USP6NL: variants seen among roughly 807,000 people sequenced by gnomAD.
The protein encoded by USP6NL is USP6 N-terminal-like protein.
Under a neutral mutation model 61.9 loss-of-function variants are expected in USP6NL, and 26 were observed. The ratio of observed to expected loss-of-function variants is 0.42; its 90% CI spans 0.31 to 0.58. USP6NL has a LOEUF of 0.58. Among genes scored for constraint, USP6NL ranks in the 20% least tolerant of loss-of-function variants. The pLI is 0.16. For synonymous variants in USP6NL, 432 were observed against 390.1 expected (o/e 1.11, Z -1.27); for missense variants, 1,114 against 1,034.3 (o/e 1.08, Z -1.06).
rs1395326572 is a variant in USP6NL at position 11,483,521 on chromosome 10, GAGA to G, written c.925+1447_925+1449del. Among the ~76,000 whole-genome samples the G allele has an allele frequency of 5.1e-3, 448 of 87,536 alleles. 3 individuals are homozygous for G. The highest frequency in any genetic ancestry group is 0.016 in the African/African-American group (312 of 19,868). The allele number at this position is 87,536 out of a possible 152,430, so 57.4% of individuals were successfully genotyped here. ...GAGGGAGAGAGGGAGAGAGGGAGAG[GAGA>G]AGAGAGAGAGGGAGAGAGAGAGGGA... is the stretch of plus-strand genomic sequence containing the variant. On this transcript the variant is annotated intron_variant, in intron 13 of 14. Transcript: ENST00000609104.
At chr10:11,572,396 C>A (rs1837395634) in intron 2 of USP6NL, among the ~76,000 whole-genome samples, 1 of 151,850 alleles carries the variant, frequency 6.6e-6, no homozygotes, top group Non-Finnish European at 1.5e-5. Context: ...AATAATACTG[C>A]CACATTTTCA....
intron 2 of USP6NL, among the ~76,000 whole-genome samples, chr10:11,590,692 C>T (rs966389010): frequency 1.3e-5 from 2 of 152,186 alleles, no homozygotes; most frequent in South Asian, 2.1e-4. Flanking sequence ...AAATCAAACT[C>T]TATTTTCTAA....
At chr10:11,549,287 G>A (rs990330283) in intron 2 of USP6NL, among the ~76,000 whole-genome samples, 4 of 152,128 alleles carry the variant, frequency 2.6e-5, no homozygotes, top group Non-Finnish European at 5.9e-5. Context: ...GGAAGCAAAA[G>A]AGTCCAGGAC....
intron 2 of USP6NL, among the ~76,000 whole-genome samples, chr10:11,568,845 C>G (rs1219928065): frequency 6.6e-6 from 1 of 152,202 alleles, no homozygotes; most frequent in Non-Finnish European, 1.5e-5. Context: ...GAGGTGACAA[C>G]TGTCTCAGAA....
intron 1 of USP6NL, among the ~76,000 whole-genome samples, chr10:11,601,079 C>T (rs1016779342): frequency 2.0e-5 from 3 of 152,116 alleles, no homozygotes; most frequent in Admixed American, 6.5e-5. Flanking sequence ...CACAGCAATG[C>T]TATTCATAAT....
At chr10:11,522,663 C>T (rs1229452281) in intron 4 of USP6NL, among the ~76,000 whole-genome samples, 1 of 152,116 alleles carries the variant, frequency 6.6e-6, no homozygotes, top group Admixed American at 6.5e-5. Flanking sequence ...AGAATGAGTA[C>T]CAATCTACTT....
chr10:11,563,207 T>C (rs2071974117), intron 2 of USP6NL: 1 of 152,206 alleles, frequency 6.6e-6, no homozygotes, highest in African/African-American at 2.4e-5. Context: ...TCCATTTATA[T>C]AGCATTCTCA....
chr10:11,467,151 CA>C (rs1832502201), intron 14 of USP6NL, among the ~76,000 whole-genome samples: 1 of 152,134 alleles, frequency 6.6e-6, no homozygotes, highest in Admixed American at 6.5e-5. Flanking sequence ...TGACTGGTAA[CA>C]AGTACTGAAC....
chr10:11,532,378 A>G lies in USP6NL; in HGVS notation c.5-4811T>C. ...AGCTCTACTTTAAACTATCTGTGAA[A>G]CAAGCACAAGAAGAAAAAGTTTGAG... On this transcript the variant is annotated intron_variant, in intron 2 of 14. Coordinates refer to ENST00000609104, the MANE Select transcript of USP6NL (RefSeq NM_014688.5). The surrounding 1 kb of genome is among the most constrained non-coding windows in gnomAD (Gnocchi z 4.1). The G allele has an allele frequency of 1.7e-6, 1 of 592,758 alleles. No homozygotes were observed. The highest frequency in any genetic ancestry group is 3.0e-5 in the East Asian group (1 of 33,384). The allele number at this position is 592,758 out of a possible 1,614,324, so 36.7% of individuals were successfully genotyped here.
At chr10:11,603,715 G>C (rs1386459437) in intron 1 of USP6NL, among the ~76,000 whole-genome samples, 4 of 152,156 alleles carry the variant, frequency 2.6e-5, no homozygotes, top group African/African-American at 9.7e-5. Context: ...CAAGGGCCTT[G>C]GGATAAAACA....
chr10:11,528,737 A>G lies in USP6NL; in HGVS notation c.5-1170T>C, dbSNP rs1835524293. Among the ~76,000 whole-genome samples, 1 of 152,152 alleles carries G rather than the reference A, an allele frequency of 6.6e-6. No individual in the cohort carries two copies. The highest frequency in any genetic ancestry group is 1.5e-5 in the Non-Finnish European group (1 of 68,022). Reference sequence around the variant, plus strand: ...TATGCTTTTACCTCCATTTCCCCTAAAACCCCACTAAAATAGCAACTATAG... The same window carrying G: ...TATGCTTTTACCTCCATTTCCCCTAGAACCCCACTAAAATAGCAACTATAG... On this transcript the variant is annotated intron_variant, in intron 2 of 14. Transcript: ENST00000609104. This position sits in a 1 kb window ranked among gnomAD's most constrained non-coding sequence, Gnocchi z 4.6.
chr10:11,565,786 G>A (rs1432071091), intron 2 of USP6NL: 1 of 152,222 alleles, frequency 6.6e-6, no homozygotes, highest in East Asian at 1.9e-4. Flanking sequence ...GGAGTGGAGA[G>A]GCTGGTTAAG....
intron 2 of USP6NL, among the ~76,000 whole-genome samples, chr10:11,579,288 C>A (rs1430400439): frequency 6.6e-6 from 1 of 152,196 alleles, no homozygotes. Context: ...ATGGAAAAAT[C>A]TTTCAAACCA....
In USP6NL at chr10:11,463,962, A is replaced by G. The variant is rs1832320391; in HGVS notation, c.1079-113T>C. On this transcript the variant is annotated intron_variant, in intron 14 of 14. Transcript: ENST00000609104. This position sits in a 1 kb window ranked among gnomAD's most constrained non-coding sequence, Gnocchi z 6.3. ...TTCATCTGTGCACAGATACACGCTGACATACAACACACTGTCATACAACAC... is the reference window on the plus strand; with the variant it reads ...TTCATCTGTGCACAGATACACGCTGGCATACAACACACTGTCATACAACAC... The G allele has an allele frequency of 4.2e-6, 4 of 962,676 alleles. No individual in the cohort carries two copies. Among genetic ancestry groups the G allele is most frequent in the Non-Finnish European group, 6.1e-6 (4 of 659,862 alleles). The allele number at this position is 962,676 out of a possible 1,614,324, so 59.6% of individuals were successfully genotyped here.
intron 6 of USP6NL, among the ~76,000 whole-genome samples, chr10:11,504,265 C>T (rs1166946719): frequency 3.9e-5 from 6 of 152,130 alleles, no homozygotes; most frequent in Admixed American, 1.3e-4. Context: ...AGAAGTTTTA[C>T]AAACTCTATA....
Position 11,598,808 on chromosome 10 carries a change from G to A in USP6NL, c.-83-1091C>T, listed in dbSNP as rs1049582763. 5.9e-5 allele frequency among the ~76,000 whole-genome samples: 9 copies of A among 152,196 alleles called. No homozygotes were observed. Among genetic ancestry groups the A allele is most frequent in the East Asian group, 1.9e-4 (1 of 5,196 alleles). On this transcript the variant is annotated intron_variant, in intron 1 of 14. Coordinates refer to ENST00000609104, the MANE Select transcript of USP6NL (RefSeq NM_014688.5). This position sits in a 1 kb window ranked among gnomAD's most constrained non-coding sequence, Gnocchi z 4.7. ...TGCCACATCTATATACTGTACTTGCGTCATGTAATATACATGAGAAGTATT... is the reference window on the plus strand; with the variant it reads ...TGCCACATCTATATACTGTACTTGCATCATGTAATATACATGAGAAGTATT...
intron 2 of USP6NL, among the ~76,000 whole-genome samples, chr10:11,555,663 G>A (rs1473500019): frequency 6.6e-6 from 1 of 151,230 alleles, no homozygotes; most frequent in Non-Finnish European, 1.5e-5. Context: ...AGTTCAAGAG[G>A]CACAACAAAC....
chr10:11,607,902 G>A (rs558725820), intron 1 of USP6NL, among the ~76,000 whole-genome samples: 9 of 152,256 alleles, frequency 5.9e-5, no homozygotes, highest in Admixed American at 2.0e-4. Context: ...ATCAATGTCA[G>A]CAAGACACAG....
chr10:11,534,410 C>T (rs1338505817), intron 2 of USP6NL, among the ~76,000 whole-genome samples: 3 of 152,170 alleles, frequency 2.0e-5, no homozygotes, highest in Non-Finnish European at 2.9e-5. Flanking sequence ...GTAACATTGC[C>T]GCAGGCCAAA....
Sources: gnomAD v4.1 joint callset for allele counts (sites outside exome capture counted in the v4.1 genomes callset) on GRCh38, gnomAD v4.1.1 for gene constraint, Gnocchi (gnomAD v3.1) non-coding constraint, MANE v1.5 for transcripts, NCBI Gene and HGNC (gene_info 2026-07-23, HGNC 2026-07-21) for gene names.